The following ANKS1A variants were observed in gnomAD, a reference collection of about 807,000 sequenced individuals.
ANKS1A encodes ankyrin repeat and SAM domain-containing protein 1A.
A neutral mutation model predicts 120.3 loss-of-function variants in ANKS1A; 55 were observed. The ratio of observed to expected loss-of-function variants is 0.46; its 90% CI spans 0.37 to 0.57. The LOEUF is 0.57. Ranked by LOEUF, ANKS1A falls within the 20% of genes least tolerant of loss-of-function variation. The pLI, the probability that ANKS1A is intolerant of heterozygous loss-of-function variation, is 0.00. For missense variants in ANKS1A, 1,123 were observed against 1,480.3 expected (o/e 0.76, Z 3.96); for synonymous variants, 590 against 604.7 (o/e 0.98, Z 0.36).
chr6:34,961,882 CA>C (rs1392456723), intron 1 of ANKS1A, among the ~76,000 whole-genome samples: 2 of 152,192 alleles, frequency 1.3e-5, no homozygotes, highest in Non-Finnish European at 2.9e-5. Context: ...GTTGTTGTTC[CA>C]GTTAGATCAG....
Position 35,081,075 on chromosome 6 carries a change from C to T in ANKS1A, c.2626C>T (p.Pro876Ser). 6.2e-7 allele frequency: 1 copy of T among 1,613,998 alleles called. No homozygotes were observed. Among genetic ancestry groups the T allele is most frequent in the Non-Finnish European group, 8.5e-7 (1 of 1,179,988 alleles). The change falls in exon 17 of 24, where the codon CCT becomes TCT. Residue 876 changes from proline (P) to serine (S), a missense_variant. Transcript: ENST00000360359. ...TGGGCGGTCGGCAGATCTGCTGCTG[C>T]CTCCAGGGGACACAGGCAGGAGGCG... ...CTGRSADLLL[P>S]PGDTGRRRHD...
chr6:34,997,102 A>G (rs1772895620), intron 10 of ANKS1A, among the ~76,000 whole-genome samples: 1 of 152,130 alleles, frequency 6.6e-6, no homozygotes, highest in Non-Finnish European at 1.5e-5. Context: ...TTCTACAAAA[A>G]GTCCTGTTGG....
intron 13 of ANKS1A, among the ~76,000 whole-genome samples, chr6:35,076,803 G>A (rs1159307864): frequency 6.6e-6 from 1 of 151,908 alleles, no homozygotes; most frequent in African/African-American, 2.4e-5. Flanking sequence ...CTAATTTTTT[G>A]TATTTTTAGT....
intron 10 of ANKS1A, among the ~76,000 whole-genome samples, chr6:35,003,519 G>A (rs562480981): frequency 3.3e-5 from 5 of 152,180 alleles, no homozygotes; most frequent in African/African-American, 7.2e-5. Flanking sequence ...ACATGTGCCC[G>A]TACAAGTGTA....
At chr6:35,056,881 G>T (rs529357013) in intron 12 of ANKS1A, among the ~76,000 whole-genome samples, 2 of 152,176 alleles carry the variant, frequency 1.3e-5, no homozygotes, top group South Asian at 2.1e-4. Context: ...TGTCTGATGG[G>T]TCAGGAGGGG....
rs563223070 is a variant in ANKS1A at position 34,889,668 on chromosome 6, A to G, written c.197+69A>G. On this transcript the variant is annotated intron_variant, in intron 1 of 23. Transcript: ENST00000360359. The surrounding 1 kb of genome is among the most constrained non-coding windows in gnomAD (Gnocchi z 5.5). ...TCCCCCACCCGTCTCTTGGGTCCCCAGAGAGATCGGGGGTCCTGAGACTCG... is the reference window on the plus strand; with the variant it reads ...TCCCCCACCCGTCTCTTGGGTCCCCGGAGAGATCGGGGGTCCTGAGACTCG... The G allele has an allele frequency of 1.9e-5, 23 of 1,227,188 alleles. No individual in the cohort carries two copies. The East Asian group carries it at 5.9e-4, about 31-fold the overall frequency. 76.0% of individuals were successfully genotyped at this position (1,227,188 alleles called of 1,614,324 possible). A position where few individuals can be genotyped will look rare whatever the true frequency, so the allele number is the denominator to read the frequency against.
chr6:35,034,197 GTT>G (rs1775043950), intron 11 of ANKS1A, among the ~76,000 whole-genome samples: 1 of 152,208 alleles, frequency 6.6e-6, no homozygotes, highest in South Asian at 2.1e-4. Flanking sequence ...GCATATGTGT[GTT>G]TGTTTCATTG....
chr6:34,935,071 G>C (rs995016385), intron 1 of ANKS1A, among the ~76,000 whole-genome samples: 5 of 152,132 alleles, frequency 3.3e-5, no homozygotes, highest in African/African-American at 1.2e-4. Context: ...TCATTCTTCT[G>C]GACAGTGATA....
At chr6:34,947,470 C>T (rs894635046) in intron 1 of ANKS1A, among the ~76,000 whole-genome samples, 11 of 151,972 alleles carry the variant, frequency 7.2e-5, no homozygotes, top group African/African-American at 9.7e-5. Context: ...CTCTCTGTTG[C>T]GTCTCTTGTG....
In ANKS1A at chr6:35,084,388, A is replaced by T; in HGVS notation, c.3132+130A>T. The T allele has an allele frequency of 7.6e-7, 1 of 1,310,012 alleles. No individual in the cohort carries two copies. The highest frequency in any genetic ancestry group is 2.5e-5 in the East Asian group (1 of 40,104). 81.1% of individuals were successfully genotyped at this position (1,310,012 alleles called of 1,614,324 possible). A position where few individuals can be genotyped will look rare whatever the true frequency, so the allele number is the denominator to read the frequency against. ...GTGCCTGGCAAATGTTTGGTTCATG[A>T]ATGGAGCCCAGCAGCACTCAGGCCG... On this transcript the variant is annotated intron_variant, in intron 21 of 23. Coordinates refer to ENST00000360359, the MANE Select transcript of ANKS1A (RefSeq NM_015245.3). This position sits in a 1 kb window ranked among gnomAD's most constrained non-coding sequence, Gnocchi z 4.8.
intron 1 of ANKS1A, among the ~76,000 whole-genome samples, chr6:34,965,415 G>A (rs559191879): frequency 1.3e-5 from 2 of 152,156 alleles, no homozygotes; most frequent in African/African-American, 2.4e-5. Flanking sequence ...GTAGTGGCAC[G>A]ATCTTGGCTC....
At chr6:35,055,320 T>G (rs1776163233) in intron 12 of ANKS1A, among the ~76,000 whole-genome samples, 1 of 151,918 alleles carries the variant, frequency 6.6e-6, no homozygotes, top group African/African-American at 2.4e-5. Context: ...GAATAAGTAG[T>G]AGATAAAAAA....
Position 35,014,040 on chromosome 6 carries a change from A to T in ANKS1A, c.1424-3433A>T, listed in dbSNP as rs1328164580. 1.3e-5 allele frequency among the ~76,000 whole-genome samples: 2 copies of T among 152,220 alleles called. 1 individual carries two copies. The highest frequency in any genetic ancestry group is 4.8e-5 in the African/African-American group (2 of 41,450). On this transcript the variant is annotated intron_variant, in intron 10 of 23. Transcript: ENST00000360359. ...CCCCCAATTAAGATCCCAGAATTGC[A>T]CAAAGAAGTGATTTGCTTAAAAACT...
intron 1 of ANKS1A, among the ~76,000 whole-genome samples, chr6:34,962,662 G>A (rs544683516): frequency 1.4e-4 from 21 of 151,650 alleles, no homozygotes; most frequent in Admixed American, 2.6e-4. Context: ...GGTGGCATGC[G>A]CCTGTAGTCC....
At chr6:35,045,453 G>T (rs1003630970) in intron 11 of ANKS1A, among the ~76,000 whole-genome samples, 4 of 152,188 alleles carry the variant, frequency 2.6e-5, no homozygotes, top group African/African-American at 9.7e-5. Flanking sequence ...CTTGTCCAAG[G>T]TTCCACAACT....
intron 13 of ANKS1A, among the ~76,000 whole-genome samples, chr6:35,061,720 T>C (rs1334190062): frequency 6.6e-6 from 1 of 152,240 alleles, no homozygotes; most frequent in Non-Finnish European, 1.5e-5. Context: ...TTTTTTCTTT[T>C]TAAAAGTTAA....
chr6:35,095,158 A>G (rs1351038087), downstream of ANKS1A, among the ~76,000 whole-genome samples: 1 of 151,348 alleles, frequency 6.6e-6, no homozygotes. Context: ...AAAAAAAAAA[A>G]AAGCACTGAA....
chr6:34,978,073 C>G (rs1295860903), intron 3 of ANKS1A, among the ~76,000 whole-genome samples: 1 of 152,078 alleles, frequency 6.6e-6, no homozygotes, highest in East Asian at 1.9e-4. Context: ...ATTCTCCTGC[C>G]TCAGCATCCT....
At chr6:34,968,148 C>T (rs1450045581) in intron 2 of ANKS1A, among the ~76,000 whole-genome samples, 1 of 152,052 alleles carries the variant, frequency 6.6e-6, no homozygotes, top group Non-Finnish European at 1.5e-5. Flanking sequence ...CATTAAATGG[C>T]CTATGTAATT....
Sources: gnomAD v4.1 joint callset for allele counts (sites outside exome capture counted in the v4.1 genomes callset) on GRCh38, gnomAD v4.1.1 for gene constraint, Gnocchi (gnomAD v3.1) non-coding constraint, MANE v1.5 for transcripts, NCBI Gene and HGNC (gene_info 2026-07-23, HGNC 2026-07-21) for gene names.